The following PRKAG2 variants were observed in gnomAD, a reference collection of about 807,000 sequenced individuals.
PRKAG2 encodes the protein protein kinase AMP-activated non-catalytic subunit gamma 2.
In PRKAG2, 26 loss-of-function variants were observed where a neutral mutation model predicts 69.6. The observed-to-expected ratio is 0.37, with a 90% CI of 0.27 to 0.52. PRKAG2 has a LOEUF of 0.52. Ranked by LOEUF, PRKAG2 falls within the 20% of genes least tolerant of loss-of-function variation. The probability of loss-of-function intolerance (pLI) is 0.90; values close to 1 mark genes in which losing one functional copy is unlikely to be tolerated. For synonymous variants in PRKAG2, 293 were observed against 285.0 expected (o/e 1.03, Z -0.28); for missense variants, 557 against 740.0 (o/e 0.75, Z 2.87).
intron 2 of PRKAG2, among the ~76,000 whole-genome samples, chr7:151,785,324 C>T (rs73485953): frequency 0.12 from 17,626 of 152,262 alleles, 2,253 homozygotes; most frequent in African/African-American, 0.31. Flanking sequence ...AGGAGGAAGA[C>T]GACCCAGTGC....
chr7:151,617,598 T>C (rs1380625758), intron 5 of PRKAG2, among the ~76,000 whole-genome samples: 2 of 152,222 alleles, frequency 1.3e-5, no homozygotes, highest in African/African-American at 4.8e-5. Context: ...CTTTTATTAT[T>C]GTTGTTAATA....
rs758537472 is a variant in PRKAG2, at chr7:151,719,363, G to A, written c.467-43726C>T. On this transcript the variant is annotated intron_variant, in intron 3 of 15. Coordinates refer to ENST00000287878, the MANE Select transcript of PRKAG2 (RefSeq NM_016203.4). This position sits in a 1 kb window ranked among gnomAD's most constrained non-coding sequence, Gnocchi z 5.2. ...ACCCACCGCTCAGGCCTCCTGCTGGGGGAGCTGGGCTATAACTTCCGCTTC... is the reference window on the plus strand; with the variant it reads ...ACCCACCGCTCAGGCCTCCTGCTGGAGGAGCTGGGCTATAACTTCCGCTTC... Among the ~76,000 whole-genome samples, 2 of 152,038 alleles carry A rather than the reference G, an allele frequency of 1.3e-5. No individual in the cohort carries two copies. The highest frequency in any genetic ancestry group is 2.9e-5 in the Non-Finnish European group (2 of 68,008).
At chr7:151,624,009 T>C (rs1223096265) in intron 5 of PRKAG2, among the ~76,000 whole-genome samples, 1 of 152,176 alleles carries the variant, frequency 6.6e-6, no homozygotes. Context: ...AGCAACTTCC[T>C]GTCAGTTACA....
At chr7:151,763,431 G>A (rs115941310) in intron 3 of PRKAG2, among the ~76,000 whole-genome samples, 1,539 of 152,326 alleles carry the variant, frequency 0.01, 26 homozygotes, top group African/African-American at 0.035. Flanking sequence ...CGCAGGGGTG[G>A]GCTGGGAGAG....
intron 3 of PRKAG2, among the ~76,000 whole-genome samples, chr7:151,722,108 G>A (rs1797211326): frequency 6.6e-6 from 1 of 152,128 alleles, no homozygotes; most frequent in African/African-American, 2.4e-5. Flanking sequence ...AGCTCCTAGT[G>A]CCCACAGCAC....
chr7:151,613,547 G>T (rs182743173), intron 5 of PRKAG2, among the ~76,000 whole-genome samples: 1 of 152,182 alleles, frequency 6.6e-6, no homozygotes, highest in East Asian at 1.9e-4. Flanking sequence ...ACCCAGGCTG[G>T]AGTGCAGTGG....
At chr7:151,600,806 C>T (rs80304794) in intron 5 of PRKAG2, among the ~76,000 whole-genome samples, 9 of 152,300 alleles carry the variant, frequency 5.9e-5, no homozygotes, top group East Asian at 1.9e-4. Context: ...CCAACCTCAA[C>T]GGACATCTTT....
chr7:151,708,070 C>T (rs1838927041), intron 3 of PRKAG2, among the ~76,000 whole-genome samples: 1 of 152,168 alleles, frequency 6.6e-6, no homozygotes, highest in South Asian at 2.1e-4. Flanking sequence ...GGGGCGCTGT[C>T]CCCGTTGAAA....
intron 2 of PRKAG2, among the ~76,000 whole-genome samples, 179 bp downstream of exon 2, chr7:151,786,291 C>T (rs746943163): frequency 7.2e-5 from 11 of 152,180 alleles, no homozygotes; most frequent in Non-Finnish European, 1.0e-4. Flanking sequence ...CCGGCCGATA[C>T]GCCAGGCTTG....
At chr7:151,839,885 A>G (rs914216568) in intron 1 of PRKAG2, among the ~76,000 whole-genome samples, 1 of 152,096 alleles carries the variant, frequency 6.6e-6, no homozygotes, top group African/African-American at 2.4e-5. Context: ...GAAGCTGAGC[A>G]GGGCGGCAGA....
In PRKAG2 at chr7:151,690,575, C is replaced by T. The variant is rs552944350; in HGVS notation, c.467-14938G>A. On this transcript the variant is annotated intron_variant, in intron 3 of 15. Transcript: ENST00000287878. ...GAGGGAAGGACAGGACCAGGGTTCC[C>T]GGATTCAATTGTACCACATCATACA... Among the ~76,000 whole-genome samples the T allele has an allele frequency of 7.2e-5, 11 of 152,314 alleles. 1 individual carries two copies. Among genetic ancestry groups the T allele is most frequent in the African/African-American group, 2.2e-4 (9 of 41,568 alleles).
intron 1 of PRKAG2, among the ~76,000 whole-genome samples, chr7:151,863,815 G>A (rs1457007546): frequency 1.3e-5 from 2 of 151,934 alleles, no homozygotes; most frequent in Non-Finnish European, 2.9e-5. Flanking sequence ...GCAGGCTGAG[G>A]TAAGAGGATC....
intron 3 of PRKAG2, among the ~76,000 whole-genome samples, chr7:151,779,776 C>T (rs1198334813): frequency 6.6e-6 from 1 of 152,222 alleles, no homozygotes; most frequent in Non-Finnish European, 1.5e-5. Flanking sequence ...AAACTGCGCA[C>T]ACATCCTCCT....
rs144911087 is a variant in PRKAG2 at position 151,793,652 on chromosome 7, G to A, written c.115-7111C>T. ...CACGGCTGAGTGGTGACTGTGGCCT[G>A]GATCTCGCCCCAAGTGGTGACGGCC... On this transcript the variant is annotated intron_variant, in intron 1 of 15. Coordinates refer to ENST00000287878, the MANE Select transcript of PRKAG2 (RefSeq NM_016203.4). Among the ~76,000 whole-genome samples the A allele has an allele frequency of 3.3e-3, 503 of 152,348 alleles. 2 individuals are homozygous for A. Among genetic ancestry groups the A allele is most frequent in the Non-Finnish European group, 5.0e-3 (338 of 68,030 alleles).
intron 3 of PRKAG2, among the ~76,000 whole-genome samples, chr7:151,732,007 A>G (rs1457600806): frequency 1.3e-5 from 2 of 151,600 alleles, no homozygotes; most frequent in Non-Finnish European, 2.9e-5. Flanking sequence ...CCAACTAACT[A>G]TTTTTTGTAG....
intron 4 of PRKAG2, among the ~76,000 whole-genome samples, chr7:151,663,928 C>A (rs761908997): frequency 6.6e-6 from 1 of 152,198 alleles, no homozygotes; most frequent in Middle Eastern, 3.2e-3. Context: ...AGAAATATTT[C>A]GGCTTTGTGA....
intron 1 of PRKAG2, among the ~76,000 whole-genome samples, chr7:151,803,892 C>T (rs1219566872): frequency 6.7e-4 from 98 of 145,988 alleles, no homozygotes; most frequent in African/African-American, 2.5e-3. Context: ...GAGTTGAGAT[C>T]GCGCCACTGC....
At chr7:151,565,523 G>A (rs1268951619) in intron 12 of PRKAG2, 140 bp from the exon 13 acceptor site, 1 of 994,658 alleles carries the variant, frequency 1.0e-6, no homozygotes, top group African/African-American at 1.6e-5. Context: ...ACTTAGATAT[G>A]AAATCATATT....
At chr7:151,678,746 G>C (rs1356266551) in intron 3 of PRKAG2, among the ~76,000 whole-genome samples, 1 of 152,164 alleles carries the variant, frequency 6.6e-6, no homozygotes, top group African/African-American at 2.4e-5. Flanking sequence ...ACCACCTGAG[G>C]TTAGGAGTTC....
Sources: allele counts gnomAD v4.1 joint callset (sites outside exome capture counted in the v4.1 genomes callset), GRCh38; gene constraint gnomAD v4.1.1; non-coding constraint Gnocchi (gnomAD v3.1); transcripts MANE v1.5; gene names NCBI Gene and HGNC (gene_info 2026-07-23, HGNC 2026-07-21).